The following NEMP2 variants were observed in gnomAD, a reference collection of about 807,000 sequenced individuals.
NEMP2 encodes the protein UPF0571 transmembrane protein.
Under a neutral mutation model 54.2 loss-of-function variants are expected in NEMP2, and 53 were observed. The observed-to-expected ratio is 0.98, with a 90% CI of 0.78 to 1.23. The LOEUF (loss-of-function observed/expected upper bound fraction) is 1.23. NEMP2 is among the 50% of genes most tolerant of loss of function. The probability of loss-of-function intolerance (pLI) is 0.00; values close to 1 mark genes in which losing one functional copy is unlikely to be tolerated. For synonymous variants in NEMP2, 197 were observed against 190.3 expected (o/e 1.04, Z -0.29); for missense variants, 455 against 511.3 (o/e 0.89, Z 1.06).
the NEMP2 span, among the ~76,000 whole-genome samples, chr2:190,440,310 A>AAC: frequency 6.6e-6 from 1 of 152,196 alleles, no homozygotes; most frequent in Non-Finnish European, 1.5e-5. Context: ...TGTCAGTCTA[A>AAC]ACACACACAC....
chr2:190,492,014 G>A, the NEMP2 span, among the ~76,000 whole-genome samples: 4 of 152,208 alleles, frequency 2.6e-5, no homozygotes, highest in Non-Finnish European at 4.4e-5. The surrounding 1 kb of genome is among the most constrained non-coding windows in gnomAD (Gnocchi z 5.2). Context: ...AATGCAAAAT[G>A]TTCTGGAAAG....
chr2:190,578,413 C>T, the NEMP2 span, among the ~76,000 whole-genome samples: 1 of 152,144 alleles, frequency 6.6e-6, no homozygotes, highest in Non-Finnish European at 1.5e-5. This position sits in a 1 kb window ranked among gnomAD's most constrained non-coding sequence, Gnocchi z 4.4. Context: ...CTGCTTGTGA[C>T]AGCTCCAGAT....
Position 190,512,360 on chromosome 2 carries a change from A to G in NEMP2, c.954-1823T>C, listed in dbSNP as rs1690398534. Among the ~76,000 whole-genome samples, 3 of 152,208 alleles carry G rather than the reference A, an allele frequency of 2.0e-5. No homozygotes were observed. In the South Asian group the frequency reaches 6.2e-4, roughly 31 times the overall value. On this transcript the variant is annotated intron_variant, in intron 7 of 8. Coordinates refer to ENST00000409150, the MANE Select transcript of NEMP2 (RefSeq NM_001142645.2). The surrounding 1 kb of genome is among the most constrained non-coding windows in gnomAD (Gnocchi z 4.5). ...GTAAGTGGCCTATAGTAGGTGTTCA[A>G]TAAGGATAATCAAAAGAGTAGTTAC...
chr2:190,573,710 C>A, the NEMP2 span, among the ~76,000 whole-genome samples: 2 of 152,214 alleles, frequency 1.3e-5, no homozygotes, highest in Admixed American at 6.5e-5. Context: ...CCTACCCTGA[C>A]TGCTGCAGGT....
At chr2:190,426,679 G>A in the NEMP2 span, among the ~76,000 whole-genome samples, 2 of 152,048 alleles carry the variant, frequency 1.3e-5, no homozygotes, top group Non-Finnish European at 2.9e-5. This position sits in a 1 kb window ranked among gnomAD's most constrained non-coding sequence, Gnocchi z 4.7. Flanking sequence ...CCAAATGATG[G>A]TTGTTTTCAA....
chr2:190,516,870 C>T (rs1025122098), intron 5 of NEMP2, among the ~76,000 whole-genome samples: 2 of 152,012 alleles, frequency 1.3e-5, no homozygotes, highest in Admixed American at 1.3e-4. Context: ...GCAGGCAGAT[C>T]GCTGGAGCTC....
At chr2:190,546,885 A>G in the NEMP2 span, among the ~76,000 whole-genome samples, 1 of 152,164 alleles carries the variant, frequency 6.6e-6, no homozygotes, top group African/African-American at 2.4e-5. The surrounding 1 kb of genome is among the most constrained non-coding windows in gnomAD (Gnocchi z 5.1). Context: ...GCATGCTCCC[A>G]AGGACCCAGG....
chr2:190,646,892 T>C, the NEMP2 span: 1 of 152,246 alleles, frequency 6.6e-6, no homozygotes, highest in East Asian at 1.9e-4. Flanking sequence ...CATGAATCCG[T>C]GATTATACAT....
chr2:190,557,714 A>G, the NEMP2 span, among the ~76,000 whole-genome samples: 1 of 152,264 alleles, frequency 6.6e-6, no homozygotes, highest in African/African-American at 2.4e-5. Flanking sequence ...CAACAAACAT[A>G]TGAAAAAATG....
the NEMP2 span, among the ~76,000 whole-genome samples, chr2:190,622,732 T>C: frequency 1.3e-5 from 2 of 152,064 alleles, no homozygotes; most frequent in Admixed American, 6.5e-5. Flanking sequence ...AAGGAATTTG[T>C]ATCAGAATAT....
chr2:190,628,437 G>A, the NEMP2 span: 7 of 152,292 alleles, frequency 4.6e-5, no homozygotes, highest in African/African-American at 1.4e-4. This position sits in a 1 kb window ranked among gnomAD's most constrained non-coding sequence, Gnocchi z 4.1. Flanking sequence ...CAGTATACAT[G>A]CTCTTAACTA....
the NEMP2 span, among the ~76,000 whole-genome samples, chr2:190,487,924 C>CA: frequency 6.6e-6 from 1 of 151,980 alleles, no homozygotes; most frequent in East Asian, 1.9e-4. This position sits in a 1 kb window ranked among gnomAD's most constrained non-coding sequence, Gnocchi z 5.5. Context: ...TTTTTTGAGA[C>CA]AGAATCTTGC....
intron 7 of NEMP2, among the ~76,000 whole-genome samples, chr2:190,511,666 T>C (rs974435868): frequency 2.7e-5 from 4 of 150,768 alleles, no homozygotes; most frequent in African/African-American, 9.7e-5. Context: ...GCAATTCTCC[T>C]GCCTCACCCT....
In NEMP2 at chr2:190,510,294, A is replaced by T. The variant is rs1690310862; in HGVS notation, c.1130+67T>A. 2 of 1,527,668 alleles carry T rather than the reference A, an allele frequency of 1.3e-6. No individual in the cohort carries two copies. Among genetic ancestry groups the T allele is most frequent in the East Asian group, 2.5e-5 (1 of 40,586 alleles). The allele number at this position is 1,527,668 out of a possible 1,614,324, so 94.6% of individuals were successfully genotyped here. A position where few individuals can be genotyped will look rare whatever the true frequency, so the allele number is the denominator to read the frequency against. ...TTTCTACCCTGAAGTGCCTGTACCA[A>T]ACCATCATATTATTTTTTAAATCAT... On this transcript the variant is annotated intron_variant, in intron 8 of 8. Coordinates refer to ENST00000409150, the MANE Select transcript of NEMP2 (RefSeq NM_001142645.2). The surrounding 1 kb of genome is among the most constrained non-coding windows in gnomAD (Gnocchi z 5.7).
the NEMP2 span, among the ~76,000 whole-genome samples, chr2:190,446,924 C>T: frequency 1.3e-5 from 2 of 152,214 alleles, no homozygotes; most frequent in African/African-American, 4.8e-5. Context: ...CTGAGGATCT[C>T]TCCCAGTGCA....
chr2:190,450,174 C>T, the NEMP2 span, among the ~76,000 whole-genome samples: 11 of 152,120 alleles, frequency 7.2e-5, no homozygotes, highest in East Asian at 9.7e-4. Context: ...CAGTTTACTG[C>T]GTTTTTATTG....
chr2:190,590,847 T>C, the NEMP2 span, among the ~76,000 whole-genome samples: 4 of 152,206 alleles, frequency 2.6e-5, no homozygotes, highest in Non-Finnish European at 5.9e-5. This position sits in a 1 kb window ranked among gnomAD's most constrained non-coding sequence, Gnocchi z 5.1. Context: ...CCAGAATTCA[T>C]AAAACTATGG....
the NEMP2 span, chr2:190,454,279 T>A: frequency 3.3e-5 from 5 of 151,420 alleles, no homozygotes; most frequent in African/African-American, 1.2e-4. This position sits in a 1 kb window ranked among gnomAD's most constrained non-coding sequence, Gnocchi z 4.6. Flanking sequence ...CCTGGGGAGG[T>A]TTCCAATTGT....
chr2:190,626,648 C>T, the NEMP2 span: 1 of 152,230 alleles, frequency 6.6e-6, no homozygotes, highest in Non-Finnish European at 1.5e-5. This position sits in a 1 kb window ranked among gnomAD's most constrained non-coding sequence, Gnocchi z 4.5. Context: ...CCCAGGGGCA[C>T]ACAGTTTTCA....
Sources: gnomAD v4.1 joint callset for allele counts (sites outside exome capture counted in the v4.1 genomes callset) on GRCh38, gnomAD v4.1.1 for gene constraint, Gnocchi (gnomAD v3.1) non-coding constraint, MANE v1.5 for transcripts, NCBI Gene and HGNC (gene_info 2026-07-23, HGNC 2026-07-21) for gene names.